Variants in ZNF469 observed in about 807,000 individuals in gnomAD.
ZNF469 encodes zinc finger protein 469.
ZNF469 carries 1 observed loss-of-function variant against 1.0 expected under a neutral mutation model. That is an observed-to-expected ratio of 1.00 (90% CI 0.35 to 4.73). The LOEUF (loss-of-function observed/expected upper bound fraction) is 4.73. Ranked by LOEUF, ZNF469 falls within the 30% of genes most tolerant of loss-of-function variation. The probability of loss-of-function intolerance (pLI) is 0.16; values close to 1 mark genes in which losing one functional copy is unlikely to be tolerated. For missense variants in ZNF469, 6,100 were observed against 5,356.3 expected (o/e 1.14, Z -4.33); for synonymous variants, 2,703 against 2,363.4 (o/e 1.14, Z -4.17).
rs903724765 is a variant in ZNF469 at position 88,437,611 on chromosome 16, C to T, written c.10141C>T (p.Leu3381=). Residue 3381 remains leucine, a synonymous_variant, in exon 3 of 3, where the codon CTG becomes TTG. Coordinates refer to ENST00000565624, the MANE Select transcript of ZNF469 (RefSeq NM_001367624.2). ...PRVYPEHGEL[L]AHLGGAHGLL... ...GGTCTACCCCGAGCACGGGGAGCTG[C>T]TGGCACACCTGGGCGGGGCGCACGG... 1.1e-5 allele frequency: 17 copies of T among 1,538,014 alleles called. No individual in the cohort carries two copies. The Admixed American group carries it at 2.6e-4, about 23-fold the overall frequency.
At chr16:88,179,898 A>G in the ZNF469 span, among the ~76,000 whole-genome samples, 7 of 152,254 alleles carry the variant, frequency 4.6e-5, no homozygotes, top group Non-Finnish European at 1.0e-4. Context: ...CCTTGCTGTC[A>G]GGTTACTACA....
At chr16:88,364,998 C>T in the ZNF469 span, among the ~76,000 whole-genome samples, 1 of 152,150 alleles carries the variant, frequency 6.6e-6, no homozygotes, top group African/African-American at 2.4e-5. Context: ...AATAAAAAGG[C>T]TTGCACATGT....
the ZNF469 span, among the ~76,000 whole-genome samples, chr16:88,131,109 C>T: frequency 1.3e-3 from 203 of 152,280 alleles, no homozygotes; most frequent in African/African-American, 4.6e-3. Context: ...ATGTTCAGAT[C>T]GTCTCCTGGA....
chr16:88,403,372 C>T (rs1454338435), intron 1 of ZNF469, among the ~76,000 whole-genome samples: 7 of 152,234 alleles, frequency 4.6e-5, no homozygotes, highest in Admixed American at 1.3e-4. Flanking sequence ...GGTTCCGTCT[C>T]GCACTTGCTG....
chr16:88,187,425 C>T, the ZNF469 span, among the ~76,000 whole-genome samples: 1 of 152,184 alleles, frequency 6.6e-6, no homozygotes, highest in African/African-American at 2.4e-5. Context: ...GGAAAACCTC[C>T]GGAATGGCTC....
the ZNF469 span, among the ~76,000 whole-genome samples, chr16:88,141,305 C>T: frequency 3.3e-5 from 5 of 152,202 alleles, no homozygotes; most frequent in Non-Finnish European, 7.3e-5. Flanking sequence ...ACACCAAAAC[C>T]AGTGTTAGAA....
At chr16:88,134,274 A>G in the ZNF469 span, among the ~76,000 whole-genome samples, 3 of 152,166 alleles carry the variant, frequency 2.0e-5, no homozygotes, top group Admixed American at 6.5e-5. Context: ...GTCGGGACAC[A>G]CTGCTTTGTT....
the ZNF469 span, among the ~76,000 whole-genome samples, chr16:88,301,501 T>C: frequency 6.6e-6 from 1 of 152,228 alleles, no homozygotes; most frequent in Admixed American, 6.5e-5. Flanking sequence ...CCCTCTCTTG[T>C]ACTCAGTGAA....
chr16:88,215,426 G>C, the ZNF469 span, among the ~76,000 whole-genome samples: 1 of 98,200 alleles, frequency 1.0e-5, no homozygotes, highest in African/African-American at 4.0e-5. Context: ...TCTCACTCTT[G>C]TCACCCAGGC....
the ZNF469 span, among the ~76,000 whole-genome samples, chr16:88,158,829 C>G: frequency 1.3e-5 from 2 of 152,108 alleles, no homozygotes; most frequent in East Asian, 3.9e-4. Flanking sequence ...TGCAGGGGGG[C>G]AGAGCTCTGC....
At chr16:88,281,162 C>T in the ZNF469 span, among the ~76,000 whole-genome samples, 2 of 141,118 alleles carry the variant, frequency 1.4e-5, no homozygotes, top group South Asian at 2.3e-4. Flanking sequence ...TTGGTCAGTA[C>T]TGTGCTGATG....
At chr16:88,167,136 A>T in the ZNF469 span, among the ~76,000 whole-genome samples, 1 of 137,370 alleles carries the variant, frequency 7.3e-6, no homozygotes, top group Admixed American at 8.5e-5. Context: ...ATCTTGGCTC[A>T]CTGTAACCTC....
the ZNF469 span, among the ~76,000 whole-genome samples, chr16:88,213,715 G>A: frequency 2.6e-5 from 4 of 152,122 alleles, no homozygotes; most frequent in Non-Finnish European, 5.9e-5. Flanking sequence ...CCTTCTAAGA[G>A]CTTTTCCGGG....
chr16:88,110,337 C>A, the ZNF469 span, among the ~76,000 whole-genome samples: 2 of 152,252 alleles, frequency 1.3e-5, no homozygotes, highest in Non-Finnish European at 2.9e-5. Flanking sequence ...CGCTGCCAGT[C>A]CGCTTGGAGA....
the ZNF469 span, among the ~76,000 whole-genome samples, chr16:88,117,573 C>CGGACCGTGGAAGTGCCACGTGCCTTCGG: frequency 9.0e-5 from 2 of 22,228 alleles, no homozygotes; most frequent in East Asian, 2.4e-3. Flanking sequence ...CGTGCCTTCA[C>CGGACCGTGGAAGTGCCACGTGCCTTCGG]GGACCGTGGA....
the ZNF469 span, among the ~76,000 whole-genome samples, chr16:88,286,641 G>A: frequency 6.6e-6 from 1 of 152,252 alleles, no homozygotes; most frequent in Non-Finnish European, 1.5e-5. Context: ...ATTCAGTGCT[G>A]ACAAGATGCC....
the ZNF469 span, among the ~76,000 whole-genome samples, chr16:88,283,548 G>A: frequency 1.2e-4 from 19 of 152,334 alleles, no homozygotes; most frequent in Non-Finnish European, 2.6e-4. Context: ...ACTTTTCTGT[G>A]TGTTTGAAAA....
the ZNF469 span, among the ~76,000 whole-genome samples, chr16:88,376,391 G>T: frequency 3.3e-5 from 5 of 152,226 alleles, no homozygotes; most frequent in Admixed American, 6.5e-5. Flanking sequence ...GGGGTGAGAG[G>T]GGGAGGGAAG....
At chr16:88,115,992 G>A in the ZNF469 span, among the ~76,000 whole-genome samples, 1 of 152,230 alleles carries the variant, frequency 6.6e-6, no homozygotes, top group Non-Finnish European at 1.5e-5. Flanking sequence ...CCCCATCTCA[G>A]GTGAAAAGTG....
Sources: allele counts gnomAD v4.1 joint callset (sites outside exome capture counted in the v4.1 genomes callset), GRCh38; gene constraint gnomAD v4.1.1; transcripts MANE v1.5; gene names NCBI Gene and HGNC (gene_info 2026-07-23, HGNC 2026-07-21).